The following IQCE variants were observed in gnomAD, a reference collection of about 807,000 sequenced individuals.
IQCE encodes IQ motif containing E, also known as IQ domain-containing protein E.
A neutral mutation model predicts 96.0 loss-of-function variants in IQCE; 115 were observed. The observed-to-expected ratio is 1.20, with a 90% CI of 1.03 to 1.40. IQCE has a LOEUF of 1.40. Ranked by LOEUF, IQCE falls within the 40% of genes most tolerant of loss-of-function variation. IQCE has a pLI of 0.00. For synonymous variants in IQCE, 412 were observed against 371.2 expected (o/e 1.11, Z -1.26); for missense variants, 1,041 against 909.1 (o/e 1.15, Z -1.87).
At chr7:2,606,589 A>G (rs7800927) in intron 20 of IQCE, among the ~76,000 whole-genome samples, 33,155 of 152,074 alleles carry the variant, frequency 0.22, 4,286 homozygotes, top group East Asian at 0.45. Flanking sequence ...CTCTTATCAC[A>G]GACTGCTCTG....
intron 3 of IQCE, among the ~76,000 whole-genome samples, chr7:2,569,598 C>G (rs756684330): frequency 1.7e-3 from 266 of 152,258 alleles, no homozygotes; most frequent in Admixed American, 3.0e-3. Flanking sequence ...TCTCTAATGC[C>G]GCTCTCGTGT....
Position 2,578,497 on chromosome 7 carries a change from C to T in IQCE, c.601C>T (p.Leu201=), listed in dbSNP as rs1782390008. Residue 201 remains leucine, a synonymous_variant, in exon 8 of 22, where the codon CTG becomes TTG. Coordinates refer to ENST00000402050, the MANE Select transcript of IQCE (RefSeq NM_152558.5). ...ACAGGGCACGGATTTTGTTCGGACT[C>T]TGGCAGAGAAAAGGCCCGATGCCAG... ...PSRGTDFVRT[L]AEKRPDASWV... The T allele has an allele frequency of 1.2e-6, 2 of 1,614,198 alleles. No homozygotes were observed. Among genetic ancestry groups the T allele is most frequent in the Middle Eastern group, 1.6e-4 (1 of 6,062 alleles).
intron 15 of IQCE, 102 bp downstream of exon 15, chr7:2,593,228 C>T (rs1292596841): frequency 6.8e-7 from 1 of 1,467,108 alleles, no homozygotes; most frequent in Non-Finnish European, 9.1e-7. Context: ...CAGCCGGCTT[C>T]TTAGAAAGGC....
chr7:2,578,156 T>C, intron 6 of IQCE, 86 bp from the exon 7 acceptor site: 1 of 999,526 alleles, frequency 1.0e-6, no homozygotes, highest in Non-Finnish European at 1.5e-6. Flanking sequence ...CGCATTGGCG[T>C]GTGCGTGGCT....
chr7:2,565,221 G>A (rs1483543911), intron 1 of IQCE, among the ~76,000 whole-genome samples: 8 of 150,042 alleles, frequency 5.3e-5, no homozygotes, highest in Non-Finnish European at 7.4e-5. Flanking sequence ...TTTTAGGTGC[G>A]TGCATGAGTG....
In IQCE at chr7:2,607,110, CTGTT is replaced by C. The variant is rs769952441; in HGVS notation, c.1866-12_1866-9del. On this transcript the variant is annotated splice_polypyrimidine_tract_variant and intron_variant, in intron 20 of 21. Transcript: ENST00000402050. ...TAAAAGCAGAATCAGCTGGCGTTTTCTGTTTTTTTCCAGTGCTACCGGTAAAAGA... is the reference window on the plus strand; with the variant it reads ...TAAAAGCAGAATCAGCTGGCGTTTTCTTTTTCCAGTGCTACCGGTAAAAGA... 1 of 1,580,324 alleles carries C rather than the reference CTGTT, an allele frequency of 6.3e-7. No homozygotes were observed. The highest frequency in any genetic ancestry group is 8.6e-7 in the Non-Finnish European group (1 of 1,165,772).
At position 2,593,015 on chromosome 7, in the gene IQCE, T is replaced by C. The variant is rs1163447316; in HGVS notation, c.1245-7T>C. The stretch of plus-strand genomic sequence containing the variant: ...AACGCTGACGAGTCTCCTATTCTTG[T>C]GTGCAGTTTGGAGGTGAAGCAGCTC... On this transcript the variant is annotated splice_polypyrimidine_tract_variant and splice_region_variant and intron_variant, in intron 14 of 21. Transcript: ENST00000402050. The C allele has an allele frequency of 6.3e-7, 1 of 1,596,004 alleles. No homozygotes were observed. The highest frequency in any genetic ancestry group is 1.1e-5 in the South Asian group (1 of 89,966).
rs762808603 is a variant in IQCE at position 2,571,581 on chromosome 7, G to T, written c.186G>T (p.Thr62=). Residue 62 remains threonine, a synonymous_variant, in exon 4 of 22, where the codon ACG becomes ACT. Transcript: ENST00000402050. ...RKVASWRSLR[T]AGSMPLGGRA... ...TGGCCTCCTGGAGGTCCCTCAGGACGGCAGGGAGCATGCCTCTGGGCGGCC... is the reference window on the plus strand; with the variant it reads ...TGGCCTCCTGGAGGTCCCTCAGGACTGCAGGGAGCATGCCTCTGGGCGGCC... 6.2e-7 allele frequency: 1 copy of T among 1,604,380 alleles called. No individual in the cohort carries two copies. The highest frequency in any genetic ancestry group is 1.1e-5 in the South Asian group (1 of 91,078).
intron 1 of IQCE, among the ~76,000 whole-genome samples, chr7:2,565,136 G>GCA (rs1781272653): frequency 1.7e-5 from 1 of 57,620 alleles, no homozygotes; most frequent in African/African-American, 8.3e-5. Flanking sequence ...GTGTGTGAGT[G>GCA]TGTGTGTGTG....
intron 21 of IQCE, 58 bp downstream of exon 21, chr7:2,607,285 C>T (rs1173361489): frequency 1.2e-6 from 2 of 1,608,336 alleles, no homozygotes; most frequent in East Asian, 4.5e-5. Flanking sequence ...AGGTCTCAGC[C>T]AAAGAGTGGC....
chr7:2,597,959 C>T (rs557328539), intron 16 of IQCE, among the ~76,000 whole-genome samples: 10 of 152,344 alleles, frequency 6.6e-5, no homozygotes, highest in South Asian at 4.1e-4. Context: ...TGAGCCACTG[C>T]GCCCAGCCTG....
rs1014632662 is a variant in IQCE, at chr7:2,611,118, C to G, written c.*956C>G. On this transcript the variant is annotated 3_prime_UTR_variant, in exon 22 of 22. Transcript: ENST00000402050. ...TGCACTCCCAAGCTCCATGGCTGGG[C>G]TGGGCTGGGCTGGGCTGGGCTGGGC... 1.5e-5 allele frequency: 2 copies of G among 131,726 alleles called. No individual in the cohort carries two copies. The highest frequency in any genetic ancestry group is 3.3e-5 in the Non-Finnish European group (2 of 60,770). The allele number at this position is 131,726 out of a possible 1,614,324, so 8.2% of individuals were successfully genotyped here. A position where few individuals can be genotyped will look rare whatever the true frequency, so the allele number is the denominator to read the frequency against.
chr7:2,602,766 A>C (rs556543978), intron 18 of IQCE, among the ~76,000 whole-genome samples: 13 of 152,364 alleles, frequency 8.5e-5, no homozygotes, highest in Non-Finnish European at 1.8e-4. Flanking sequence ...GACCAGCCAG[A>C]CACTGTCCAA....
intron 18 of IQCE, among the ~76,000 whole-genome samples, chr7:2,604,361 T>C (rs1784641958): frequency 6.6e-6 from 1 of 152,100 alleles, no homozygotes; most frequent in African/African-American, 2.4e-5. Context: ...TCACCCTGCC[T>C]CAGCCTCCCA....
At chr7:2,594,773 G>T (rs922330517) in intron 15 of IQCE, 113 bp from the exon 16 acceptor site, 3 of 760,258 alleles carry the variant, frequency 3.9e-6, no homozygotes, top group Admixed American at 1.8e-5. Context: ...CTCTCTACAG[G>T]CTGCCTGGTG....
intron 5 of IQCE, chr7:2,572,890 C>T (rs888056993): frequency 5.4e-6 from 2 of 372,144 alleles, no homozygotes; most frequent in African/African-American, 4.3e-5. Context: ...TAAGGAAGAA[C>T]AGCCTCCAGG....
At position 2,586,386 on chromosome 7, in the gene IQCE, G is replaced by A; in HGVS notation, c.988+15G>A. On this transcript the variant is annotated intron_variant, in intron 12 of 21. Transcript: ENST00000402050. ...CAAGACACAGGGTACCTTCCTGAAAGCCACTCCAGGAGGGAGGCCAGGGAA... is the reference window on the plus strand; with the variant it reads ...CAAGACACAGGGTACCTTCCTGAAAACCACTCCAGGAGGGAGGCCAGGGAA... 2 of 1,589,888 alleles carry A rather than the reference G, an allele frequency of 1.3e-6. No individual in the cohort carries two copies. Among genetic ancestry groups the A allele is most frequent in the Non-Finnish European group, 1.7e-6 (2 of 1,173,150 alleles).
chr7:2,565,558 G>T (rs1781311846), intron 1 of IQCE, among the ~76,000 whole-genome samples: 1 of 152,186 alleles, frequency 6.6e-6, no homozygotes, highest in African/African-American at 2.4e-5. Flanking sequence ...GAAAGTTGCT[G>T]CTGCTTTTCT....
At chr7:2,588,846 A>G (rs1783351064) in intron 13 of IQCE, among the ~76,000 whole-genome samples, 2 of 151,174 alleles carry the variant, frequency 1.3e-5, no homozygotes, top group South Asian at 2.1e-4. Context: ...TTGTATTTTT[A>G]GTAGACATGA....
Sources: allele counts gnomAD v4.1 joint callset (sites outside exome capture counted in the v4.1 genomes callset), GRCh38; gene constraint gnomAD v4.1.1; transcripts MANE v1.5; gene names NCBI Gene and HGNC (gene_info 2026-07-23, HGNC 2026-07-21).